Variants in ST8SIA1 observed in about 807,000 individuals in gnomAD.
ST8SIA1 encodes alpha-N-acetylneuraminide alpha-2,8-sialyltransferase.
In ST8SIA1, 16 loss-of-function variants were observed where a neutral mutation model predicts 35.9. The observed-to-expected ratio is 0.45, with a 90% CI of 0.30 to 0.68. The LOEUF (loss-of-function observed/expected upper bound fraction) is 0.68, where lower values mean the gene tolerates loss of function less well. Among genes scored for constraint, ST8SIA1 ranks in the 30% least tolerant of loss-of-function variants. The pLI, the probability that ST8SIA1 is intolerant of heterozygous loss-of-function variation, is 0.09. For missense variants in ST8SIA1, 383 were observed against 453.6 expected (o/e 0.84, Z 1.41); for synonymous variants, 170 against 169.6 (o/e 1.00, Z -0.02).
At chr12:22,299,317 A>C (rs1185378683) in intron 1 of ST8SIA1, among the ~76,000 whole-genome samples, 3 of 152,160 alleles carry the variant, frequency 2.0e-5, no homozygotes, top group Non-Finnish European at 4.4e-5. Context: ...AGGAAATAAG[A>C]CAGATGTAAA....
intron 2 of ST8SIA1, among the ~76,000 whole-genome samples, chr12:22,268,166 A>T (rs1026166308): frequency 6.6e-6 from 1 of 152,184 alleles, no homozygotes; most frequent in African/African-American, 2.4e-5. Context: ...AATTGATTTA[A>T]TCCAGCCCCA....
intron 4 of ST8SIA1, among the ~76,000 whole-genome samples, chr12:22,225,089 C>T (rs773336506): frequency 2.0e-5 from 3 of 152,066 alleles, no homozygotes; most frequent in Non-Finnish European, 2.9e-5. Flanking sequence ...GAAGCTAGGA[C>T]GATGTAAGGA....
At chr12:22,295,174 T>G (rs772274729) in intron 1 of ST8SIA1, among the ~76,000 whole-genome samples, 31 of 152,048 alleles carry the variant, frequency 2.0e-4, no homozygotes, top group Non-Finnish European at 3.5e-4. Context: ...AAGATGCAAT[T>G]TTTAACAGGG....
intron 2 of ST8SIA1, among the ~76,000 whole-genome samples, chr12:22,277,653 C>T (rs61924162): frequency 0.054 from 8,219 of 152,140 alleles, 330 homozygotes; most frequent in East Asian, 0.15. Flanking sequence ...AGGCATGAGC[C>T]ACCGCGCCTG....
rs571921911 is a variant in ST8SIA1 at position 22,266,650 on chromosome 12, A to C, written c.382-11261T>G. On this transcript the variant is annotated intron_variant, in intron 2 of 4. Transcript: ENST00000396037. The stretch of plus-strand genomic sequence containing the variant: ...TACTAAAAATATATATTTTTTAATT[A>C]GCCTAGCATCATGGCATGGACGTGT... Among the ~76,000 whole-genome samples the C allele has an allele frequency of 3.9e-5, 6 of 152,148 alleles. No homozygotes were observed. The East Asian group carries it at 7.8e-4, about 20-fold the overall frequency.
chr12:22,228,244 G>T (rs1865380065), intron 4 of ST8SIA1, among the ~76,000 whole-genome samples: 1 of 152,202 alleles, frequency 6.6e-6, no homozygotes, highest in Admixed American at 6.5e-5. Flanking sequence ...TGGATAGAGT[G>T]GGATTGAGTC....
In ST8SIA1 at chr12:22,334,485, C is replaced by T; in HGVS notation, c.-253G>A. The T allele has an allele frequency of 1.8e-6, 1 of 545,012 alleles. No individual in the cohort carries two copies. Among genetic ancestry groups the T allele is most frequent in the Non-Finnish European group, 3.3e-6 (1 of 304,964 alleles). The allele number at this position is 545,012 out of a possible 1,614,324, so 33.8% of individuals were successfully genotyped here. A position where few individuals can be genotyped will look rare whatever the true frequency, so the allele number is the denominator to read the frequency against. Reference sequence around the variant, plus strand: ...TGAAGTCACGATCTATGGCCATGGTCGCTTCCCCTGCAGAAGGCGGGCGCT... The same window carrying T: ...TGAAGTCACGATCTATGGCCATGGTTGCTTCCCCTGCAGAAGGCGGGCGCT... On this transcript the variant is annotated 5_prime_UTR_variant, in exon 1 of 5. Coordinates refer to ENST00000396037, the MANE Select transcript of ST8SIA1 (RefSeq NM_003034.4).
At chr12:22,328,670 A>C (rs1188708226) in intron 1 of ST8SIA1, among the ~76,000 whole-genome samples, 2 of 152,238 alleles carry the variant, frequency 1.3e-5, no homozygotes, top group Non-Finnish European at 2.9e-5. Context: ...GCATGGTATA[A>C]AGAAAACAGA....
chr12:22,260,874 G>GTTTTTTTTT (rs757887864), intron 2 of ST8SIA1, among the ~76,000 whole-genome samples: 2 of 114,376 alleles, frequency 1.7e-5, no homozygotes, highest in Non-Finnish European at 3.5e-5. Flanking sequence ...TATAGTTGTT[G>GTTTTTTTTT]TTTTTTTTTT....
chr12:22,221,221 A>G (rs1465783362), intron 4 of ST8SIA1, among the ~76,000 whole-genome samples: 1 of 152,160 alleles, frequency 6.6e-6, no homozygotes, highest in Non-Finnish European at 1.5e-5. Context: ...CATCACCTGG[A>G]AAGAAAAAAA....
At chr12:22,244,202 T>C (rs1033371134) in intron 4 of ST8SIA1, among the ~76,000 whole-genome samples, 10 of 152,132 alleles carry the variant, frequency 6.6e-5, no homozygotes, top group Non-Finnish European at 2.9e-5. Flanking sequence ...CATACTCTTT[T>C]CTTATGTTTT....
At chr12:22,316,262 A>C (rs912950673) in intron 1 of ST8SIA1, among the ~76,000 whole-genome samples, 3 of 152,222 alleles carry the variant, frequency 2.0e-5, no homozygotes, top group Admixed American at 6.5e-5. Flanking sequence ...CATATATTAA[A>C]ATGTACTATA....
At chr12:22,214,855 T>C (rs1865218265) in intron 4 of ST8SIA1, among the ~76,000 whole-genome samples, 1 of 152,236 alleles carries the variant, frequency 6.6e-6, no homozygotes, top group Admixed American at 6.5e-5. Flanking sequence ...ATTATCCCTT[T>C]TCTGCTGTTG....
In ST8SIA1 at chr12:22,271,496, G is replaced by A. The variant is rs1364741594; in HGVS notation, c.381+15653C>T. The stretch of plus-strand genomic sequence containing the variant: ...ATCAGAGGATTCTGCCACTTCCAAT[G>A]TACTTTGTGATGGGTACTGAACCTT... On this transcript the variant is annotated intron_variant, in intron 2 of 4. Coordinates refer to ENST00000396037, the MANE Select transcript of ST8SIA1 (RefSeq NM_003034.4). Among the ~76,000 whole-genome samples, 4 of 152,126 alleles carry A rather than the reference G, an allele frequency of 2.6e-5. No individual in the cohort carries two copies. The East Asian group carries it at 5.8e-4, about 22-fold the overall frequency.
intron 1 of ST8SIA1, among the ~76,000 whole-genome samples, chr12:22,328,940 T>A (rs1161906801): frequency 6.6e-6 from 1 of 152,154 alleles, no homozygotes; most frequent in African/African-American, 2.4e-5. Flanking sequence ...CTTCAGAACC[T>A]TTGCTCTTAC....
intron 1 of ST8SIA1, among the ~76,000 whole-genome samples, chr12:22,291,575 C>T (rs901628819): frequency 1.3e-5 from 2 of 152,168 alleles, no homozygotes; most frequent in African/African-American, 4.8e-5. Flanking sequence ...CTTGCATGTC[C>T]CCTTCATATC....
chr12:22,228,337 C>T (rs1865380861), intron 4 of ST8SIA1, among the ~76,000 whole-genome samples: 1 of 152,190 alleles, frequency 6.6e-6, no homozygotes, highest in Admixed American at 6.5e-5. Context: ...CTCAACCCAA[C>T]CCTCTCCTTG....
At chr12:22,310,497 G>GT (rs1397447709) in intron 1 of ST8SIA1, among the ~76,000 whole-genome samples, 6 of 152,104 alleles carry the variant, frequency 3.9e-5, no homozygotes, top group Non-Finnish European at 5.9e-5. Context: ...GCTCAATACA[G>GT]TAACTCGATT....
intron 2 of ST8SIA1, among the ~76,000 whole-genome samples, chr12:22,272,518 A>G (rs1865922944): frequency 6.6e-6 from 1 of 152,176 alleles, no homozygotes; most frequent in Non-Finnish European, 1.5e-5. Flanking sequence ...TGTTTCCTAA[A>G]CATATTGGCT....
Sources: allele counts gnomAD v4.1 joint callset (sites outside exome capture counted in the v4.1 genomes callset), GRCh38; gene constraint gnomAD v4.1.1; transcripts MANE v1.5; gene names NCBI Gene and HGNC (gene_info 2026-07-23, HGNC 2026-07-21).